Variants in PAX1 observed in about 807,000 individuals in gnomAD.
The protein encoded by PAX1 is paired box protein Pax-1.
A neutral mutation model predicts 35.6 loss-of-function variants in PAX1; 18 were observed. That is an observed-to-expected ratio of 0.50 (90% CI 0.35 to 0.75). The LOEUF (loss-of-function observed/expected upper bound fraction) is 0.75, where lower values mean the gene tolerates loss of function less well. PAX1 is among the 30% of genes least tolerant of loss of function. The pLI, the probability that PAX1 is intolerant of heterozygous loss-of-function variation, is 0.01. For missense variants in PAX1, 760 were observed against 661.5 expected, an observed-to-expected ratio of 1.15 and a Z score of -1.63; for synonymous variants, 397 against 305.2, an observed-to-expected ratio of 1.30 and a Z score of -3.14.
At chr20:21,708,380 C>T (rs1985082431) in intron 2 of PAX1, 178 bp from the exon 3 acceptor site, 3 of 791,472 alleles carry the variant, frequency 3.8e-6, no homozygotes, top group South Asian at 1.4e-5. Flanking sequence ...GCCTTTCCTC[C>T]GCCCCACCCG....
intron 4 of PAX1, 48 bp downstream of exon 4, chr20:21,709,492 A>T: frequency 7.1e-7 from 1 of 1,400,658 alleles, no homozygotes; most frequent in South Asian, 1.4e-5. Flanking sequence ...AGGGTTAGGA[A>T]GGGTACTGGG....
In PAX1 at chr20:21,714,571, C is replaced by A. The variant is rs1265983571; in HGVS notation, c.*9C>A. On this transcript the variant is annotated 3_prime_UTR_variant, in exon 5 of 5. Coordinates refer to ENST00000613128, the MANE Select transcript of PAX1 (RefSeq NM_001257096.2). ...CGGCCTCGACCTCCTAGGGGCAGCT[C>A]TCCCCGGACCCGAGCCCGGAGGGAA... 1.3e-6 allele frequency: 2 copies of A among 1,582,966 alleles called. No homozygotes were observed. The highest frequency in any genetic ancestry group is 1.3e-5 in the African/African-American group (1 of 74,552).
intron 4 of PAX1, among the ~76,000 whole-genome samples, chr20:21,711,311 T>C (rs968439932): frequency 2.0e-5 from 3 of 152,256 alleles, no homozygotes; most frequent in Non-Finnish European, 4.4e-5. Context: ...ACACAAATTA[T>C]AAAGTGCAGA....
At chr20:21,710,103 G>C (rs13043043) in intron 4 of PAX1, among the ~76,000 whole-genome samples, 2 of 22,014 alleles carry the variant, frequency 9.1e-5, no homozygotes, top group Non-Finnish European at 1.3e-4. Context: ...GGGTGGGGGG[G>C]TTCTCTCTTT....
chr20:21,711,611 A>G (rs1300670686), intron 4 of PAX1, among the ~76,000 whole-genome samples: 1 of 152,216 alleles, frequency 6.6e-6, no homozygotes, highest in Admixed American at 6.5e-5. Flanking sequence ...TGGTCCTCCA[A>G]CTTCTTTAAA....
rs71336753 is a variant in PAX1, at chr20:21,706,218, G to T, written c.286+220G>T. 5.4e-3 allele frequency: 4,154 copies of T among 774,752 alleles called. 10 individuals are homozygous for T. The highest frequency in any genetic ancestry group is 7.0e-3 in the Non-Finnish European group (3,178 of 451,062). The allele number at this position is 774,752 out of a possible 1,614,324, so 48.0% of individuals were successfully genotyped here. ...TAAAAGTCGCGAAAGGGCACGGAGG[G>T]CTACAATGCGCCGCGCTCCACTCCG... On this transcript the variant is annotated intron_variant, in intron 1 of 4. Coordinates refer to ENST00000613128, the MANE Select transcript of PAX1 (RefSeq NM_001257096.2). This position sits in a 1 kb window ranked among gnomAD's most constrained non-coding sequence, Gnocchi z 5.3.
intron 4 of PAX1, among the ~76,000 whole-genome samples, chr20:21,709,741 C>A (rs1481903358): frequency 1.3e-5 from 2 of 152,026 alleles, no homozygotes; most frequent in East Asian, 3.9e-4. Context: ...GGGTTTGGAT[C>A]CGGTTCTGGC....
At position 21,714,758 on chromosome 20, in the gene PAX1, C is replaced by A; in HGVS notation, c.*196C>A. 1 of 1,602,158 alleles carries A rather than the reference C, an allele frequency of 6.2e-7. No individual in the cohort carries two copies. Among genetic ancestry groups the A allele is most frequent in the Non-Finnish European group, 8.5e-7 (1 of 1,179,916 alleles). On this transcript the variant is annotated 3_prime_UTR_variant, in exon 5 of 5. Coordinates refer to ENST00000613128, the MANE Select transcript of PAX1 (RefSeq NM_001257096.2). Reference sequence around the variant, plus strand: ...GCCTCTGGCCGGACCCACCACACTTCCTTTATTGGTCTGGGTTTTTAGGCT... The same window carrying A: ...GCCTCTGGCCGGACCCACCACACTTACTTTATTGGTCTGGGTTTTTAGGCT...
Position 21,705,998 on chromosome 20 carries a change from G to A in PAX1, c.286G>A (p.Glu96Lys). The A allele has an allele frequency of 6.8e-7, 1 of 1,476,372 alleles. No homozygotes were observed. The highest frequency in any genetic ancestry group is 8.9e-7 in the Non-Finnish European group (1 of 1,122,064). The allele number at this position is 1,476,372 out of a possible 1,614,324, so 91.5% of individuals were successfully genotyped here. A position where few individuals can be genotyped will look rare whatever the true frequency, so the allele number is the denominator to read the frequency against. The stretch of plus-strand genomic sequence containing the variant: ...GCAGCTGGCCGGCCCGCTCGCTATG[G>A]GTAAGGGGCGGGCGACAGGCAGGGC... ...ARQLAGPLAM[E>K]QTYGEVNQLG... The change falls in exon 1 of 5, where the codon GAG becomes AAG. Residue 96 changes from glutamate (E) to lysine (K), a missense_variant and splice_region_variant. Physicochemically the swap from Glu to Lys is moderately conservative, Grantham distance 56 (BLOSUM62 1). Around this residue, in one of 3 missense-constraint regions of PAX1, gnomAD observed 222 missense variants for 153.0 expected, o/e 1.45. Transcript: ENST00000613128.
chr20:21,705,943 C>T lies in PAX1; in HGVS notation c.231C>T (p.Ser77=), dbSNP rs1346278998. 6.8e-7 allele frequency: 1 copy of T among 1,479,646 alleles called. No individual in the cohort carries two copies. Among genetic ancestry groups the T allele is most frequent in the Non-Finnish European group, 8.9e-7 (1 of 1,122,712 alleles). 91.7% of individuals were successfully genotyped at this position (1,479,646 alleles called of 1,614,324 possible). A position where few individuals can be genotyped will look rare whatever the true frequency, so the allele number is the denominator to read the frequency against. Residue 77 remains serine, a synonymous_variant, in exon 1 of 5, where the codon AGC becomes AGT. Transcript: ENST00000613128. ...AQALPDCAGP[S]PGHPGHPGAR... ...CTCTCCCGGACTGCGCCGGGCCCAG[C>T]CCCGGCCACCCCGGCCACCCCGGCG... is the stretch of plus-strand genomic sequence containing the variant.
In PAX1 at chr20:21,706,739, C is replaced by T. The variant is rs751544378; in HGVS notation, c.588C>T (p.Ile196=). ...ACCCTGGCATCTTTGCCTGGGAGAT[C>T]CGCGACCGGCTGCTGGCCGACGGCG... The part of the protein sequence containing the change: ...QGDPGIFAWE[I]RDRLLADGVC... The change falls in exon 2 of 5, where the codon ATC becomes ATT. Residue 196 remains isoleucine, a synonymous_variant. Coordinates refer to ENST00000613128, the MANE Select transcript of PAX1 (RefSeq NM_001257096.2). The surrounding 1 kb of genome is among the most constrained non-coding windows in gnomAD (Gnocchi z 5.3). 6.2e-7 allele frequency: 1 copy of T among 1,613,702 alleles called. No homozygotes were observed. Among genetic ancestry groups the T allele is most frequent in the Non-Finnish European group, 8.5e-7 (1 of 1,180,048 alleles).
In PAX1 at chr20:21,717,327, A is replaced by C. The variant is rs1481229905; in HGVS notation, c.*2765A>C. 1 of 152,200 alleles carries C rather than the reference A, an allele frequency of 6.6e-6. No individual in the cohort carries two copies. Among genetic ancestry groups the C allele is most frequent in the African/African-American group, 2.4e-5 (1 of 41,422 alleles). 9.4% of individuals were successfully genotyped at this position (152,200 alleles called of 1,614,324 possible). On this transcript the variant is annotated 3_prime_UTR_variant, in exon 5 of 5. Transcript: ENST00000613128. ...TTGGCTTAAATCTCTGCTCCACTGT[A>C]TGTGTCAGGGGACTGGGACCTCTTG... is the stretch of plus-strand genomic sequence containing the variant.
Position 21,718,045 on chromosome 20 carries a change from A to G in PAX1, c.*3483A>G, listed in dbSNP as rs1419491696. On this transcript the variant is annotated 3_prime_UTR_variant, in exon 5 of 5. Coordinates refer to ENST00000613128, the MANE Select transcript of PAX1 (RefSeq NM_001257096.2). ...TTTGCGTACCACCAGCTTCAGCTCC[A>G]ATGTACCCACTTTATTCTCGTGAAT... 1 of 152,220 alleles carries G rather than the reference A, an allele frequency of 6.6e-6. No individual in the cohort carries two copies. The highest frequency in any genetic ancestry group is 1.5e-5 in the Non-Finnish European group (1 of 68,050). The allele number at this position is 152,220 out of a possible 1,614,324, so 9.4% of individuals were successfully genotyped here.
Position 21,714,606 on chromosome 20 carries a change from G to T in PAX1, c.*44G>T. ...CCGAGCCCGGAGGGAACGGCAGGCG[G>T]ACCCGGGCGCACAGGTCTGCGCGGC... On this transcript the variant is annotated 3_prime_UTR_variant, in exon 5 of 5. Transcript: ENST00000613128. 4 of 1,557,296 alleles carry T rather than the reference G, an allele frequency of 2.6e-6. No homozygotes were observed. Among genetic ancestry groups the T allele is most frequent in the Non-Finnish European group, 3.5e-6 (4 of 1,154,722 alleles).
intron 2 of PAX1, chr20:21,708,147 C>G (rs774703869): frequency 3.7e-5 from 12 of 320,938 alleles, no homozygotes; most frequent in Non-Finnish European, 7.2e-5. Context: ...AGGCAGTTCT[C>G]GTAGAATCGT....
chr20:21,709,726 C>T (rs1244766121), intron 4 of PAX1, among the ~76,000 whole-genome samples: 1 of 152,068 alleles, frequency 6.6e-6, no homozygotes, highest in African/African-American at 2.4e-5. Context: ...GCACACAGGA[C>T]GCGTGGGTTT....
intron 4 of PAX1, among the ~76,000 whole-genome samples, chr20:21,712,496 G>C (rs1045253214): frequency 6.6e-6 from 1 of 152,080 alleles, no homozygotes; most frequent in African/African-American, 2.4e-5. Flanking sequence ...CCACCCTTAG[G>C]TGACAGACAC....
At chr20:21,710,342 A>G (rs1051706329) in intron 4 of PAX1, among the ~76,000 whole-genome samples, 2 of 152,172 alleles carry the variant, frequency 1.3e-5, no homozygotes, top group Admixed American at 6.5e-5. Context: ...GTTAAAAGGA[A>G]TGGCTTGATT....
rs1428137378 is a variant in PAX1, at chr20:21,716,411, C to G, written c.*1849C>G. The G allele has an allele frequency of 6.6e-6, 1 of 151,786 alleles. No individual in the cohort carries two copies. The highest frequency in any genetic ancestry group is 2.4e-5 in the African/African-American group (1 of 41,294). 9.4% of individuals were successfully genotyped at this position (151,786 alleles called of 1,614,324 possible). A position where few individuals can be genotyped will look rare whatever the true frequency, so the allele number is the denominator to read the frequency against. ...TAGTGGTAAACAGTTTTTGTTTCAA[C>G]TCTTTTTGATAGTATCTGTTGAAGG... is the stretch of plus-strand genomic sequence containing the variant. On this transcript the variant is annotated 3_prime_UTR_variant, in exon 5 of 5. Coordinates refer to ENST00000613128, the MANE Select transcript of PAX1 (RefSeq NM_001257096.2).
Sources: gnomAD v4.1 joint callset for allele counts (sites outside exome capture counted in the v4.1 genomes callset) on GRCh38, gnomAD v4.1.1 for gene constraint, gnomAD v4.1.1 regional missense constraint, Gnocchi (gnomAD v3.1) non-coding constraint, MANE v1.5 for transcripts, NCBI Gene and HGNC (gene_info 2026-07-23, HGNC 2026-07-21) for gene names.